CD109: variants seen among roughly 807,000 people sequenced by gnomAD.
CD109 encodes CD109 antigen.
CD109 carries 149 observed loss-of-function variants against 165.8 expected under a neutral mutation model. The ratio of observed to expected loss-of-function variants is 0.90; its 90% CI spans 0.79 to 1.03. The LOEUF (loss-of-function observed/expected upper bound fraction) is 1.03, where lower values mean the gene tolerates loss of function less well. Among genes scored for constraint, CD109 ranks in the 50% least tolerant of loss-of-function variants. The pLI is 0.00. For synonymous variants in CD109, 585 were observed against 592.1 expected (o/e 0.99, Z 0.18); for missense variants, 1,712 against 1,677.8 (o/e 1.02, Z -0.36).
intron 21 of CD109, 28 bp from the exon 22 acceptor site, chr6:73,788,440 T>A: frequency 1.2e-6 from 2 of 1,602,270 alleles, no homozygotes; most frequent in South Asian, 1.1e-5. Context: ...GTAGAGACCA[T>A]GTTAATTGTG....
At chr6:73,715,782 A>G (rs1016609110) in intron 2 of CD109, among the ~76,000 whole-genome samples, 1 of 152,146 alleles carries the variant, frequency 6.6e-6, no homozygotes, top group African/African-American at 2.4e-5. Context: ...ATCCAGTTAT[A>G]CTATTTTAGT....
At position 73,721,653 on chromosome 6, in the gene CD109, C is replaced by T. The variant is rs373326760; in HGVS notation, c.248-1598C>T. Among the ~76,000 whole-genome samples the T allele has an allele frequency of 1.3e-4, 20 of 151,918 alleles. No individual in the cohort carries two copies. In the East Asian group the frequency reaches 1.4e-3, roughly 10 times the overall value. The stretch of plus-strand genomic sequence containing the variant: ...TGCTGGGATTACAGGCATGAGCCAC[C>T]CACGCCCGGCCAGTAATTTTTATTT... On this transcript the variant is annotated intron_variant, in intron 2 of 32. Coordinates refer to ENST00000287097, the MANE Select transcript of CD109 (RefSeq NM_133493.5).
chr6:73,700,378 G>A (rs980071851), intron 2 of CD109, among the ~76,000 whole-genome samples: 1 of 151,844 alleles, frequency 6.6e-6, no homozygotes, highest in Non-Finnish European at 1.5e-5. Context: ...GAGCCTGATT[G>A]TTTCATTTTC....
At chr6:73,760,925 G>A (rs1396774292) in intron 7 of CD109, among the ~76,000 whole-genome samples, 1 of 151,826 alleles carries the variant, frequency 6.6e-6, no homozygotes. Flanking sequence ...TGAGGCAGGA[G>A]AATCTCTTGA....
At chr6:73,774,654 G>T (rs1218667268) in intron 15 of CD109, among the ~76,000 whole-genome samples, 1 of 152,194 alleles carries the variant, frequency 6.6e-6, no homozygotes, top group African/African-American at 2.4e-5. Context: ...TGGCAGTGAA[G>T]TTGCCAGGAC....
intron 11 of CD109, 94 bp downstream of exon 11, chr6:73,766,248 A>T (rs560796798): frequency 1.1e-6 from 1 of 931,516 alleles, no homozygotes; most frequent in African/African-American, 1.7e-5. Context: ...CTGAAAGTAC[A>T]TAGGAAGTGG....
rs769136312 is a variant in CD109, at chr6:73,810,050, A to G, written c.3422A>G (p.Asp1141Gly). The change falls in exon 27 of 33, where the codon GAT becomes GGT. Residue 1141 changes from aspartate (D) to glycine (G), a missense_variant. By Grantham distance (94) the Asp-to-Gly change is moderately conservative. Coordinates refer to ENST00000287097, the MANE Select transcript of CD109 (RefSeq NM_133493.5). Reference protein sequence around the residue: ...LSDSWQPRSLDIEVAAYALLS... With the variant: ...LSDSWQPRSLGIEVAAYALLS... ...GACTCCTGGCAGCCACGCTCCCTGG[A>G]TATTGAAGTTGCAGCCTATGCACTG... 2.5e-6 allele frequency: 4 copies of G among 1,606,990 alleles called. No individual in the cohort carries two copies. Among genetic ancestry groups the G allele is most frequent in the Non-Finnish European group, 3.4e-6 (4 of 1,177,858 alleles).
intron 15 of CD109, 128 bp downstream of exon 15, chr6:73,771,709 A>G (rs1774041925): frequency 1.8e-6 from 1 of 564,670 alleles, no homozygotes; most frequent in African/African-American, 2.0e-5. Context: ...AATAATTAGT[A>G]AAGCTTCCAA....
chr6:73,823,240 G>A (rs1204594476), intron 32 of CD109, among the ~76,000 whole-genome samples: 1 of 152,244 alleles, frequency 6.6e-6, no homozygotes, highest in Non-Finnish European at 1.5e-5. Context: ...CCAACTGCTG[G>A]TGGTAGACAG....
chr6:73,820,710 G>A (rs1054842593), intron 32 of CD109, 147 bp downstream of exon 32: 8 of 479,580 alleles, frequency 1.7e-5, no homozygotes, highest in East Asian at 3.3e-5. Flanking sequence ...CAGGAAGTGA[G>A]CATTCCATTT....
At chr6:73,688,751 GTTTTTCTTTGTTTT>G in the CD109 span, among the ~76,000 whole-genome samples, 2 of 108,370 alleles carry the variant, frequency 1.8e-5, no homozygotes, top group Middle Eastern at 4.9e-3. Flanking sequence ...GGTTCTGAGA[GTTTTTCTTTGTTTT>G]TTTTTTTTTT....
chr6:73,779,583 T>C (rs1387545856), intron 15 of CD109, among the ~76,000 whole-genome samples: 5 of 152,146 alleles, frequency 3.3e-5, no homozygotes, highest in Non-Finnish European at 7.4e-5. Context: ...TGAATAATAT[T>C]GTGTTGTGTA....
intron 10 of CD109, among the ~76,000 whole-genome samples, chr6:73,764,705 A>T (rs542890990): frequency 1.3e-5 from 2 of 151,534 alleles, no homozygotes; most frequent in African/African-American, 4.9e-5. Flanking sequence ...AATTCCAACT[A>T]CTCGGGAGGC....
intron 22 of CD109, 57 bp from the exon 23 acceptor site, chr6:73,792,569 C>A: frequency 6.7e-7 from 1 of 1,484,258 alleles, no homozygotes; most frequent in African/African-American, 1.4e-5. Flanking sequence ...TCTTTGCCAC[C>A]AGCAGGTCGT....
chr6:73,801,402 G>A (rs889125221), intron 23 of CD109, among the ~76,000 whole-genome samples: 82 of 152,336 alleles, frequency 5.4e-4, no homozygotes, highest in African/African-American at 1.9e-3. Flanking sequence ...TTACTGCACC[G>A]TAATAATTCA....
chr6:73,775,716 A>C (rs778464261), intron 15 of CD109, among the ~76,000 whole-genome samples: 1 of 151,878 alleles, frequency 6.6e-6, no homozygotes, highest in Non-Finnish European at 1.5e-5. Context: ...GTTCCTCTCT[A>C]TGTGTCCATG....
At chr6:73,771,804 C>T (rs1774044822) in intron 15 of CD109, among the ~76,000 whole-genome samples, 1 of 152,190 alleles carries the variant, frequency 6.6e-6, no homozygotes, top group Admixed American at 6.5e-5. Flanking sequence ...TCAGAATTAT[C>T]ACCTAAAGTT....
the CD109 span, among the ~76,000 whole-genome samples, chr6:73,680,242 C>T: frequency 6.6e-6 from 1 of 152,048 alleles, no homozygotes; most frequent in South Asian, 2.1e-4. Context: ...TTTCTTTATA[C>T]AATTCTTTTT....
chr6:73,755,163 G>A (rs1268521791), intron 5 of CD109, among the ~76,000 whole-genome samples: 4 of 152,128 alleles, frequency 2.6e-5, no homozygotes, highest in South Asian at 2.1e-4. Flanking sequence ...TGAGAATGAC[G>A]TGTTAGAACT....
Sources: allele counts gnomAD v4.1 joint callset (sites outside exome capture counted in the v4.1 genomes callset), GRCh38; gene constraint gnomAD v4.1.1; transcripts MANE v1.5; gene names NCBI Gene and HGNC (gene_info 2026-07-23, HGNC 2026-07-21).